Variants in CYREN observed in about 807,000 individuals in gnomAD.
CYREN encodes the protein cell cycle regulator of NHEJ.
In CYREN, 7 loss-of-function variants were observed where a neutral mutation model predicts 9.7. The observed-to-expected ratio is 0.72, with a 90% CI of 0.41 to 1.36. The LOEUF is 1.36. Ranked by LOEUF, CYREN falls within the 40% of genes most tolerant of loss-of-function variation. CYREN has a pLI of 0.01. For missense variants in CYREN, 215 were observed against 198.1 expected, an observed-to-expected ratio of 1.09 and a Z score of -0.51; for synonymous variants, 76 against 77.9, an observed-to-expected ratio of 0.98 and a Z score of 0.13.
chr7:135,146,519 C>A (rs1366879684), intron 2 of CYREN, among the ~76,000 whole-genome samples: 1 of 152,072 alleles, frequency 6.6e-6, no homozygotes, highest in Non-Finnish European at 1.5e-5. Context: ...ATGCAGGATC[C>A]ACAAAGAGAG....
At chr7:135,132,724 C>T (rs1266730881) in intron 2 of CYREN, among the ~76,000 whole-genome samples, 1 of 152,176 alleles carries the variant, frequency 6.6e-6, no homozygotes, top group Non-Finnish European at 1.5e-5. Context: ...CCTGCATAAG[C>T]TGTCTTGCGT....
chr7:135,134,561 G>T (rs1829216848), intron 2 of CYREN, among the ~76,000 whole-genome samples: 1 of 151,988 alleles, frequency 6.6e-6, no homozygotes, highest in Non-Finnish European at 1.5e-5. Flanking sequence ...TAGGTAAGGA[G>T]CTGGGGCCCA....
At chr7:135,169,231 C>A in intron 1 of CYREN, 171 bp from the exon 2 acceptor site, 1 of 218,810 alleles carries the variant, frequency 4.6e-6, no homozygotes, top group South Asian at 9.0e-5. Flanking sequence ...GGAGAGAGCC[C>A]TCTGACCTCC....
At chr7:135,127,485 G>A (rs188139864) in intron 2 of CYREN, among the ~76,000 whole-genome samples, 57 of 151,922 alleles carry the variant, frequency 3.8e-4, no homozygotes, top group African/African-American at 1.2e-3. Flanking sequence ...CCCGGGAGGC[G>A]GAGGTTGCAG....
rs113586646 is a variant in CYREN, at chr7:135,166,146, A to C, written c.*465T>G. ...AGCTCATTGATAGACTCATGATGGA[A>C]ACTATTTTTGAAACAGGCTTCCTCC... On this transcript the variant is annotated 3_prime_UTR_variant, in exon 4 of 4. Coordinates refer to ENST00000393114, the MANE Select transcript of CYREN (RefSeq NM_024033.4). The C allele has an allele frequency of 0.017, 2,569 of 153,510 alleles. 69 individuals are homozygous for C. The highest frequency in any genetic ancestry group is 0.059 in the African/African-American group (2,434 of 41,578). 9.5% of individuals were successfully genotyped at this position (153,510 alleles called of 1,614,324 possible).
chr7:135,098,475 T>G (rs938058853), intron 2 of CYREN, among the ~76,000 whole-genome samples: 2 of 152,206 alleles, frequency 1.3e-5, no homozygotes, highest in Non-Finnish European at 2.9e-5. Flanking sequence ...ATTTTTTTCC[T>G]AAATATTTTC....
intron 2 of CYREN, chr7:135,128,404 C>G (rs1828255119): frequency 1.8e-6 from 1 of 557,020 alleles, no homozygotes; most frequent in Non-Finnish European, 3.4e-6. Context: ...TCAGAGATCA[C>G]TCTCATGGTC....
At chr7:135,117,083 G>A (rs1044685082) in intron 2 of CYREN, among the ~76,000 whole-genome samples, 1 of 152,154 alleles carries the variant, frequency 6.6e-6, no homozygotes, top group African/African-American at 2.4e-5. Context: ...TCCAGGATTT[G>A]TAGTTATTTT....
At chr7:135,155,316 C>T (rs1254916238) in intron 2 of CYREN, among the ~76,000 whole-genome samples, 3 of 152,118 alleles carry the variant, frequency 2.0e-5, no homozygotes, top group Non-Finnish European at 4.4e-5. Flanking sequence ...AGCATTTAAT[C>T]CATTTACATT....
At chr7:135,168,479 A>G (rs17168271) in intron 2 of CYREN, 78,159 of 437,144 alleles carry the variant, frequency 0.18, 7,215 homozygotes, top group Middle Eastern at 0.23. Flanking sequence ...TGTTTGTTGT[A>G]AAGGAAGAGA....
chr7:135,118,975 A>G (rs1350262432), intron 2 of CYREN, among the ~76,000 whole-genome samples: 5 of 152,180 alleles, frequency 3.3e-5, no homozygotes, highest in African/African-American at 1.2e-4. Context: ...ACTGAACATA[A>G]GAGAAAAAAT....
chr7:135,107,664 T>C (rs1473885921), intron 2 of CYREN, among the ~76,000 whole-genome samples: 2 of 152,220 alleles, frequency 1.3e-5, no homozygotes, highest in East Asian at 1.9e-4. Flanking sequence ...GTATGTACCA[T>C]ATGGCAATGA....
rs1258366609 is a variant in CYREN, at chr7:135,096,576, GATAGATAC to G, written n.357-2002_357-1995del. On this transcript the variant is annotated intron_variant and non_coding_transcript_variant, in intron 2 of 2. Coordinates refer to the CYREN transcript ENST00000459937. Reference sequence around the variant, plus strand: ...AGAAAGAAAGATAGATAGATAGATAGATAGATACATAGATAGATAGATAGATAGATAGA... The same window carrying G: ...AGAAAGAAAGATAGATAGATAGATAGATAGATAGATAGATAGATAGATAGA... Among the ~76,000 whole-genome samples the G allele has an allele frequency of 4.3e-3, 111 of 26,012 alleles. 2 individuals are homozygous for G. The highest frequency in any genetic ancestry group is 8.0e-3 in the African/African-American group (89 of 11,158). The allele number at this position is 26,012 out of a possible 152,430, so 17.1% of individuals were successfully genotyped here.
intron 2 of CYREN, among the ~76,000 whole-genome samples, chr7:135,123,503 G>A (rs1178250553): frequency 5.9e-5 from 9 of 152,130 alleles, no homozygotes; most frequent in South Asian, 2.1e-4. Context: ...CTCCAACCTC[G>A]CAAGACAGGC....
rs1830273781 is a variant in CYREN, at chr7:135,167,672, G to T, written c.213+60C>A. ...GTCTCTCTTACTGACGGTGACCAAG[G>T]GTCTAGCCTCTGCCCATGCAGAGTT... On this transcript the variant is annotated intron_variant, in intron 3 of 3. Transcript: ENST00000393114. The T allele has an allele frequency of 3.1e-6, 5 of 1,605,998 alleles. No individual in the cohort carries two copies. In the South Asian group the frequency reaches 5.6e-5, roughly 18 times the overall value.
intron 2 of CYREN, among the ~76,000 whole-genome samples, chr7:135,138,667 T>C (rs769067099): frequency 6.6e-6 from 1 of 152,092 alleles, no homozygotes; most frequent in African/African-American, 2.4e-5. Flanking sequence ...TGTGGGCATT[T>C]GGTGTACAGA....
chr7:135,131,372 C>A (rs1828741999), intron 2 of CYREN, among the ~76,000 whole-genome samples: 1 of 151,854 alleles, frequency 6.6e-6, no homozygotes. Context: ...AGCAAACCAC[C>A]ATAGCACACA....
intron 2 of CYREN, among the ~76,000 whole-genome samples, chr7:135,146,850 C>T (rs889393154): frequency 7.9e-5 from 12 of 152,108 alleles, no homozygotes; most frequent in African/African-American, 2.4e-4. Context: ...TGCCGATTTT[C>T]GTAAGTTTTG....
chr7:135,153,869 A>T (rs1027606350), intron 2 of CYREN, among the ~76,000 whole-genome samples: 2 of 152,186 alleles, frequency 1.3e-5, no homozygotes, highest in African/African-American at 4.8e-5. Context: ...TCAGTTAGGG[A>T]GAATTCCTTT....
Sources: gnomAD v4.1 joint callset for allele counts (sites outside exome capture counted in the v4.1 genomes callset) on GRCh38, gnomAD v4.1.1 for gene constraint, MANE v1.5 for transcripts, NCBI Gene and HGNC (gene_info 2026-07-23, HGNC 2026-07-21) for gene names.